Variants in PDPK1 observed in about 807,000 individuals in gnomAD.
PDPK1 encodes the protein 3-phosphoinositide-dependent protein kinase 1.
Under a neutral mutation model 39.8 loss-of-function variants are expected in PDPK1, and 7 were observed. The ratio of observed to expected loss-of-function variants is 0.18; its 90% CI spans 0.10 to 0.33. The LOEUF is 0.33. PDPK1 is among the 10% of genes least tolerant of loss of function. The pLI is 1.00. For synonymous variants in PDPK1, 118 were observed against 159.1 expected (o/e 0.74, Z 1.95); for missense variants, 182 against 384.7 (o/e 0.47, Z 4.41).
At chr16:2,560,310 C>T (rs1214582608) in intron 2 of PDPK1, among the ~76,000 whole-genome samples, 2 of 151,756 alleles carry the variant, frequency 1.3e-5, no homozygotes, top group African/African-American at 2.4e-5. Context: ...AACGTGACCT[C>T]ACAGAAACAC....
chr16:2,603,117 A>G lies in PDPK1; in HGVS notation c.*5350A>G, dbSNP rs557863257. 4.5e-6 allele frequency: 1 copy of G among 223,816 alleles called. No homozygotes were observed. Among genetic ancestry groups the G allele is most frequent in the East Asian group, 6.5e-5 (1 of 15,494 alleles). 13.9% of individuals were successfully genotyped at this position (223,816 alleles called of 1,614,324 possible). A position where few individuals can be genotyped will look rare whatever the true frequency, so the allele number is the denominator to read the frequency against. On this transcript the variant is annotated 3_prime_UTR_variant, in exon 14 of 14. Coordinates refer to ENST00000342085, the MANE Select transcript of PDPK1 (RefSeq NM_002613.5). Reference sequence around the variant, plus strand: ...TTTTTTTTCCAAATACTTGTGCTTTAGGTGTAGTTACCAGATGATGAATTT... The same window carrying G: ...TTTTTTTTCCAAATACTTGTGCTTTGGGTGTAGTTACCAGATGATGAATTT...
In PDPK1 at chr16:2,541,485, A is replaced by T. The variant is rs549993028; in HGVS notation, c.24+3349A>T. 5.9e-5 allele frequency among the ~76,000 whole-genome samples: 9 copies of T among 152,176 alleles called. No individual in the cohort carries two copies. In the South Asian group the frequency reaches 6.2e-4, roughly 11 times the overall value. ...ACTGGCGTGGCACTTTCCCCTTCTG[A>T]GGAAATGGACAGGATGCCACGTGGT... is the stretch of plus-strand genomic sequence containing the variant. On this transcript the variant is annotated intron_variant, in intron 1 of 13. Coordinates refer to ENST00000342085, the MANE Select transcript of PDPK1 (RefSeq NM_002613.5).
At chr16:2,550,175 A>G (rs2066388312) in intron 1 of PDPK1, among the ~76,000 whole-genome samples, 1 of 150,748 alleles carries the variant, frequency 6.6e-6, no homozygotes. Context: ...AATACATGTA[A>G]AATGCTCAGA....
rs1359282245 is a variant in PDPK1 at position 2,600,189 on chromosome 16, C to T, written c.*2422C>T. ...AGGCGCCTTACATTCTACGGTAGAACGTGGGGTACTGTGTGTGCACATAGA... is the reference window on the plus strand; with the variant it reads ...AGGCGCCTTACATTCTACGGTAGAATGTGGGGTACTGTGTGTGCACATAGA... On this transcript the variant is annotated 3_prime_UTR_variant, in exon 14 of 14. Transcript: ENST00000342085. 8.6e-6 allele frequency: 2 copies of T among 233,150 alleles called. No homozygotes were observed. The highest frequency in any genetic ancestry group is 1.8e-4 in the South Asian group (1 of 5,528). The allele number at this position is 233,150 out of a possible 1,614,324, so 14.4% of individuals were successfully genotyped here. A position where few individuals can be genotyped will look rare whatever the true frequency, so the allele number is the denominator to read the frequency against.
chr16:2,539,978 T>C (rs1166970336), intron 1 of PDPK1, among the ~76,000 whole-genome samples: 2 of 152,228 alleles, frequency 1.3e-5, no homozygotes, highest in African/African-American at 2.4e-5. Context: ...AATGATAGAA[T>C]GCAAGATGGA....
Position 2,599,907 on chromosome 16 carries a change from G to C in PDPK1, c.*2140G>C, listed in dbSNP as rs1274050867. 2 of 233,190 alleles carry C rather than the reference G, an allele frequency of 8.6e-6. No individual in the cohort carries two copies. Among genetic ancestry groups the C allele is most frequent in the African/African-American group, 4.4e-5 (2 of 45,352 alleles). 14.4% of individuals were successfully genotyped at this position (233,190 alleles called of 1,614,324 possible). On this transcript the variant is annotated 3_prime_UTR_variant, in exon 14 of 14. Coordinates refer to ENST00000342085, the MANE Select transcript of PDPK1 (RefSeq NM_002613.5). Reference sequence around the variant, plus strand: ...CCTCTGGATAGAACCACCACCTCCTGGGCGTCACTGACAAGCTCCATCTTA... The same window carrying C: ...CCTCTGGATAGAACCACCACCTCCTCGGCGTCACTGACAAGCTCCATCTTA...
chr16:2,586,796 A>C lies in PDPK1; in HGVS notation c.1246A>C (p.Ile416Leu). 6.2e-7 allele frequency: 1 copy of C among 1,614,270 alleles called. No individual in the cohort carries two copies. Among genetic ancestry groups the C allele is most frequent in the Non-Finnish European group, 8.5e-7 (1 of 1,180,040 alleles). Residue 416 changes from isoleucine (I) to leucine (L), a missense_variant, in exon 11 of 14, where the codon ATT (isoleucine) becomes CTT (leucine). Physicochemically the swap from Ile to Leu is conservative, Grantham distance 5. Around this residue, in one of 5 missense-constraint regions of PDPK1, gnomAD observed 90 missense variants for 111.9 expected, o/e 0.80. Transcript: ENST00000342085. ...GTCAGGCAGCAACATAGAGCAGTAC[A>C]TTCACGATCTGGACTCGAACTCCTT... ...QRSGSNIEQYIHDLDSNSFEL... is the reference protein window; with the variant it reads ...QRSGSNIEQYLHDLDSNSFEL...
Position 2,599,349 on chromosome 16 carries a change from A to G in PDPK1, c.*1582A>G. 1 of 233,124 alleles carries G rather than the reference A, an allele frequency of 4.3e-6. No homozygotes were observed. Among genetic ancestry groups the G allele is most frequent in the East Asian group, 6.0e-5 (1 of 16,588 alleles). The allele number at this position is 233,124 out of a possible 1,614,324, so 14.4% of individuals were successfully genotyped here. A position where few individuals can be genotyped will look rare whatever the true frequency, so the allele number is the denominator to read the frequency against. ...ACCCTGTGTGCCAGGCCAGATCCAAACTGAGAGGGAAGGTGTCGTTTTTAC... is the reference window on the plus strand; with the variant it reads ...ACCCTGTGTGCCAGGCCAGATCCAAGCTGAGAGGGAAGGTGTCGTTTTTAC... On this transcript the variant is annotated 3_prime_UTR_variant, in exon 14 of 14. Transcript: ENST00000342085.
At chr16:2,553,136 T>C (rs2066447044) in intron 1 of PDPK1, among the ~76,000 whole-genome samples, 1 of 143,754 alleles carries the variant, frequency 7.0e-6, no homozygotes, top group Non-Finnish European at 1.5e-5. Context: ...ACTGGTGTTT[T>C]TGGTGGACTT....
At chr16:2,594,929 G>A (rs933272699) in intron 11 of PDPK1, among the ~76,000 whole-genome samples, 3 of 152,170 alleles carry the variant, frequency 2.0e-5, no homozygotes, top group Non-Finnish European at 4.4e-5. Flanking sequence ...AGACCATCCT[G>A]GCTAACACGG....
chr16:2,573,799 T>TTA (rs1555446425), intron 6 of PDPK1, among the ~76,000 whole-genome samples: 11 of 120,762 alleles, frequency 9.1e-5, no homozygotes, highest in Non-Finnish European at 1.5e-4. Flanking sequence ...CTGTTTTTAT[T>TTA]TTTTTTTTTT....
chr16:2,597,822 T>C lies in PDPK1; in HGVS notation c.*55T>C. ...GCCAGGACACCTGCCCCAGCGCGGCTTGGCCGCCATCCGGGACGCTTCCAG... is the reference window on the plus strand; with the variant it reads ...GCCAGGACACCTGCCCCAGCGCGGCCTGGCCGCCATCCGGGACGCTTCCAG... On this transcript the variant is annotated 3_prime_UTR_variant, in exon 14 of 14. Transcript: ENST00000342085. The surrounding 1 kb of genome is among the most constrained non-coding windows in gnomAD (Gnocchi z 6.3). 1 of 1,256,270 alleles carries C rather than the reference T, an allele frequency of 8.0e-7. No individual in the cohort carries two copies. The highest frequency in any genetic ancestry group is 1.2e-6 in the Non-Finnish European group (1 of 862,906). The allele number at this position is 1,256,270 out of a possible 1,614,324, so 77.8% of individuals were successfully genotyped here.
chr16:2,538,597 G>T, intron 1 of PDPK1: 10 of 1,288,472 alleles, frequency 7.8e-6, no homozygotes, highest in Non-Finnish European at 1.0e-5. Context: ...AGCACCTGAT[G>T]CTCCTGGGCC....
At chr16:2,586,604 G>A in intron 10 of PDPK1, 72 bp from the exon 11 acceptor site, 14 of 1,345,902 alleles carry the variant, frequency 1.0e-5, no homozygotes, top group Non-Finnish European at 1.5e-5. Flanking sequence ...GCGGCAGTGC[G>A]GGAGGGGCTG....
rs938891958 is a variant in PDPK1 at position 2,599,763 on chromosome 16, A to C, written c.*1996A>C. 5 of 233,740 alleles carry C rather than the reference A, an allele frequency of 2.1e-5. No homozygotes were observed. The highest frequency in any genetic ancestry group is 1.1e-4 in the African/African-American group (5 of 45,374). 14.5% of individuals were successfully genotyped at this position (233,740 alleles called of 1,614,324 possible). On this transcript the variant is annotated 3_prime_UTR_variant, in exon 14 of 14. Transcript: ENST00000342085. ...AGAACGTCCTGTGTCTCCATGTAGG[A>C]GAGTGGCTCTCTCAGATCTCTCAGG... is the stretch of plus-strand genomic sequence containing the variant.
chr16:2,551,669 T>G (rs1343662217), intron 1 of PDPK1, among the ~76,000 whole-genome samples: 8 of 145,644 alleles, frequency 5.5e-5, no homozygotes, highest in African/African-American at 1.7e-4. Context: ...CTTTTTTTTT[T>G]TTTTTTTTTG....
chr16:2,545,432 C>T (rs1048407677), intron 1 of PDPK1, among the ~76,000 whole-genome samples: 1 of 151,838 alleles, frequency 6.6e-6, no homozygotes, highest in Non-Finnish European at 1.5e-5. Context: ...CCCTTGGGCT[C>T]AAGCCATCCT....
At chr16:2,592,787 G>C (rs1020285868) in intron 11 of PDPK1, 2 of 455,556 alleles carry the variant, frequency 4.4e-6, no homozygotes, top group Non-Finnish European at 8.8e-6. Context: ...GATGCCGCCA[G>C]TGGAGCTTTG....
chr16:2,546,315 C>T (rs779332387), intron 1 of PDPK1, among the ~76,000 whole-genome samples: 1 of 151,388 alleles, frequency 6.6e-6, no homozygotes. Context: ...AACTCCTGAC[C>T]TCGTGATCTA....
Sources: gnomAD v4.1 joint callset for allele counts (sites outside exome capture counted in the v4.1 genomes callset) on GRCh38, gnomAD v4.1.1 for gene constraint, gnomAD v4.1.1 regional missense constraint, Gnocchi (gnomAD v3.1) non-coding constraint, MANE v1.5 for transcripts, NCBI Gene and HGNC (gene_info 2026-07-23, HGNC 2026-07-21) for gene names.